Variants in MARK3 observed in about 807,000 individuals in gnomAD.
MARK3 encodes microtubule affinity regulating kinase 3.
MARK3 carries 46 observed loss-of-function variants against 90.1 expected under a neutral mutation model. The ratio of observed to expected loss-of-function variants is 0.51; its 90% CI spans 0.40 to 0.65. The LOEUF (loss-of-function observed/expected upper bound fraction) is 0.65. Among genes scored for constraint, MARK3 ranks in the 30% least tolerant of loss-of-function variants. The pLI is 0.00. For synonymous variants in MARK3, 321 were observed against 332.6 expected, an observed-to-expected ratio of 0.97 and a Z score of 0.38; for missense variants, 818 against 947.2, an observed-to-expected ratio of 0.86 and a Z score of 1.79.
At chr14:103,497,110 A>G (rs2075393849) in intron 15 of MARK3, among the ~76,000 whole-genome samples, 1 of 152,194 alleles carries the variant, frequency 6.6e-6, no homozygotes, top group African/African-American at 2.4e-5. Context: ...ACTTTTAATC[A>G]TTTTCAACTA....
At chr14:103,432,135 A>G (rs1253203111) in intron 3 of MARK3, among the ~76,000 whole-genome samples, 1 of 152,182 alleles carries the variant, frequency 6.6e-6, no homozygotes, top group Non-Finnish European at 1.5e-5. Context: ...AAAATATTAA[A>G]CAAGACAAGA....
At chr14:103,450,696 A>G (rs1462661228) in intron 4 of MARK3, among the ~76,000 whole-genome samples, 1 of 152,126 alleles carries the variant, frequency 6.6e-6, no homozygotes, top group Non-Finnish European at 1.5e-5. Context: ...ACTGACTGCT[A>G]TGTTAGGCAT....
chr14:103,388,630 C>G (rs1456373041), intron 1 of MARK3, among the ~76,000 whole-genome samples: 3 of 152,156 alleles, frequency 2.0e-5, no homozygotes, highest in Non-Finnish European at 2.9e-5. Flanking sequence ...AGATGTAGAA[C>G]ACTTCCATTG....
intron 1 of MARK3, among the ~76,000 whole-genome samples, chr14:103,404,362 A>C (rs188812619): frequency 1.5e-3 from 230 of 152,286 alleles, no homozygotes; most frequent in African/African-American, 5.4e-3. Context: ...TGGGACATCT[A>C]ATCCTTTGAG....
At chr14:103,500,667 T>C (rs2075613795) in intron 17 of MARK3, among the ~76,000 whole-genome samples, 1 of 152,024 alleles carries the variant, frequency 6.6e-6, no homozygotes, top group South Asian at 2.1e-4. Flanking sequence ...TGTCGCTCTG[T>C]CACCCAGTCT....
At chr14:103,390,317 T>A (rs765745085) in intron 1 of MARK3, among the ~76,000 whole-genome samples, 1 of 152,188 alleles carries the variant, frequency 6.6e-6, no homozygotes, top group Non-Finnish European at 1.5e-5. Context: ...TCCAGTGAGG[T>A]TGCTGAGACT....
chr14:103,406,394 A>ATTTTTT (rs71126015), intron 2 of MARK3, among the ~76,000 whole-genome samples: 1 of 141,168 alleles, frequency 7.1e-6, no homozygotes, highest in African/African-American at 2.6e-5. Flanking sequence ...CTGGCTAATT[A>ATTTTTT]TTTTTTTTTT....
chr14:103,427,518 C>G (rs200494852), intron 2 of MARK3, among the ~76,000 whole-genome samples: 10 of 74,678 alleles, frequency 1.3e-4, no homozygotes, highest in African/African-American at 3.5e-4. Flanking sequence ...AAAAAAGAAA[C>G]AAAAGAATGG....
chr14:103,462,574 C>T, intron 7 of MARK3, 113 bp downstream of exon 7: 1 of 604,206 alleles, frequency 1.7e-6, no homozygotes, highest in South Asian at 3.6e-5. Flanking sequence ...TTTAAAATCC[C>T]ACAATAATTG....
rs6145477 is a variant in MARK3 at position 103,470,455 on chromosome 14, A to ATTTTTTT, written c.1264+2280_1264+2286dup. ...ATTCCAGGATTCAGGAACTAAATCT[A>ATTTTTTT]TTTTTTTTTTTTTTTTTGAGATGGA... On this transcript the variant is annotated intron_variant, in intron 12 of 17. Coordinates refer to ENST00000429436, the MANE Select transcript of MARK3 (RefSeq NM_001128918.3). 5.0e-3 allele frequency among the ~76,000 whole-genome samples: 275 copies of ATTTTTTT among 55,048 alleles called. 61 individuals are homozygous for ATTTTTTT. Among genetic ancestry groups the ATTTTTTT allele is most frequent in the African/African-American group, 0.012 (221 of 17,942 alleles). 36.1% of individuals were successfully genotyped at this position (55,048 alleles called of 152,430 possible).
intron 14 of MARK3, chr14:103,490,831 A>C (rs1184192421): frequency 2.0e-6 from 1 of 501,770 alleles, no homozygotes; most frequent in African/African-American, 2.1e-5. Flanking sequence ...GGAGATTTTT[A>C]TTCTTTACCA....
chr14:103,490,238 C>T (rs1172802771), intron 14 of MARK3: 1 of 152,042 alleles, frequency 6.6e-6, no homozygotes, highest in Non-Finnish European at 1.5e-5. Flanking sequence ...CCACCTGAGC[C>T]CAGGAAGTTG....
chr14:103,392,805 G>GA (rs2090340042), intron 1 of MARK3, among the ~76,000 whole-genome samples: 2 of 134,654 alleles, frequency 1.5e-5, no homozygotes, highest in African/African-American at 5.8e-5. Context: ...TATTTAATTA[G>GA]CTTTTTTTTT....
At chr14:103,450,692 T>C (rs10138842) in intron 4 of MARK3, among the ~76,000 whole-genome samples, 7,134 of 152,216 alleles carry the variant, frequency 0.047, 589 homozygotes, top group African/African-American at 0.16. Context: ...ATTTACTGAC[T>C]GCTATGTTAG....
chr14:103,420,854 A>G (rs1364349929), intron 2 of MARK3, among the ~76,000 whole-genome samples: 1 of 152,110 alleles, frequency 6.6e-6, no homozygotes, highest in Non-Finnish European at 1.5e-5. Context: ...TCTTTTTTTC[A>G]GTCTTTGTGC....
chr14:103,480,250 G>A (rs1033092135), intron 13 of MARK3, 137 bp from the exon 14 acceptor site: 9 of 565,574 alleles, frequency 1.6e-5, no homozygotes, highest in Admixed American at 6.2e-5. Context: ...ACTCCAGCCT[G>A]GGTGACAGAG....
intron 2 of MARK3, among the ~76,000 whole-genome samples, chr14:103,425,545 C>T (rs2092376569): frequency 6.6e-6 from 1 of 152,186 alleles, no homozygotes; most frequent in South Asian, 2.1e-4. Context: ...GCATGAGCCA[C>T]CTCACCCGGA....
In MARK3 at chr14:103,442,941, G is replaced by GTC. The variant is rs1027174226; in HGVS notation, c.298-5977_298-5976dup. 4.4e-5 allele frequency among the ~76,000 whole-genome samples: 5 copies of GTC among 114,254 alleles called. No homozygotes were observed. The South Asian group carries it at 9.4e-4, about 21-fold the overall frequency. The allele number at this position is 114,254 out of a possible 152,430, so 75.0% of individuals were successfully genotyped here. A position where few individuals can be genotyped will look rare whatever the true frequency, so the allele number is the denominator to read the frequency against. On this transcript the variant is annotated intron_variant, in intron 3 of 17. Transcript: ENST00000429436. ...TGGTAAATCCAAAACTTTGGTGGGT[G>GTC]TCCCCCCCCCTCCCACCGACAAGGA...
chr14:103,385,641 T>G lies in MARK3; in HGVS notation c.-389T>G. On this transcript the variant is annotated 5_prime_UTR_variant, in exon 1 of 18. Coordinates refer to ENST00000429436, the MANE Select transcript of MARK3 (RefSeq NM_001128918.3). ...CGTTTTCAGGCGCCGCCGGCGGCGC[T>G]GTGTGGAGGCCCGCGAGCTGAAATT... 5.8e-6 allele frequency: 1 copy of G among 171,202 alleles called. No individual in the cohort carries two copies. Among genetic ancestry groups the G allele is most frequent in the Non-Finnish European group, 1.2e-5 (1 of 81,130 alleles). 10.6% of individuals were successfully genotyped at this position (171,202 alleles called of 1,614,324 possible).
Sources: allele counts gnomAD v4.1 joint callset (sites outside exome capture counted in the v4.1 genomes callset), GRCh38; gene constraint gnomAD v4.1.1; transcripts MANE v1.5; gene names NCBI Gene and HGNC (gene_info 2026-07-23, HGNC 2026-07-21).